Variants in LRRK1 observed in about 807,000 individuals in gnomAD.
LRRK1 encodes the protein leucine-rich repeat serine/threonine-protein kinase 1.
Under a neutral mutation model 209.1 loss-of-function variants are expected in LRRK1, and 113 were observed. The observed-to-expected ratio is 0.54, with a 90% CI of 0.46 to 0.63. The LOEUF is 0.63. LRRK1 is among the 30% of genes least tolerant of loss of function. LRRK1 has a pLI of 0.00. For synonymous variants in LRRK1, 1,144 were observed against 1,099.7 expected, an observed-to-expected ratio of 1.04 and a Z score of -0.80; for missense variants, 2,284 against 2,632.2, an observed-to-expected ratio of 0.87 and a Z score of 2.89.
At chr15:100,954,879 A>G (rs768833958) in intron 2 of LRRK1, among the ~76,000 whole-genome samples, 39 of 152,368 alleles carry the variant, frequency 2.6e-4, no homozygotes, top group Admixed American at 1.4e-3. Flanking sequence ...AGACCAATGC[A>G]TACAATTAGA....
At chr15:100,995,249 G>T (rs530634411) in intron 6 of LRRK1, among the ~76,000 whole-genome samples, 1 of 152,314 alleles carries the variant, frequency 6.6e-6, no homozygotes, top group South Asian at 2.1e-4. Flanking sequence ...ATTGCTGCGT[G>T]TGTGGAAGCC....
chr15:101,013,601 G>A (rs546078240), intron 10 of LRRK1, among the ~76,000 whole-genome samples: 18 of 152,248 alleles, frequency 1.2e-4, no homozygotes, highest in Non-Finnish European at 1.8e-4. Context: ...GAAACAGAGC[G>A]AGACCCTATC....
At chr15:101,029,265 AG>A in intron 20 of LRRK1, 33 bp downstream of exon 20, 1 of 1,572,180 alleles carries the variant, frequency 6.4e-7, no homozygotes, top group Non-Finnish European at 8.6e-7. Context: ...CAGGCTGTGC[AG>A]GTTGCTCCCC....
chr15:100,983,526 A>G lies in LRRK1; in HGVS notation c.262-2A>G, dbSNP rs1444367319. Reference sequence around the variant, plus strand: ...ACTGGAGCCCTGTTCTGTTTTGACCAGGGCCAGCTTCTGAGCATCCCGGCA... The same window carrying G: ...ACTGGAGCCCTGTTCTGTTTTGACCGGGGCCAGCTTCTGAGCATCCCGGCA... On this transcript the variant is annotated splice_acceptor_variant, in intron 3 of 33. Transcript: ENST00000388948. LOFTEE classifies it high-confidence loss of function. The G allele has an allele frequency of 1.3e-6, 2 of 1,589,686 alleles. No homozygotes were observed. The highest frequency in any genetic ancestry group is 1.7e-6 in the Non-Finnish European group (2 of 1,166,510).
At chr15:100,920,674 G>T (rs2042005002) in intron 1 of LRRK1, among the ~76,000 whole-genome samples, 1 of 130,976 alleles carries the variant, frequency 7.6e-6, no homozygotes, top group Non-Finnish European at 1.6e-5. Context: ...CCTGCCCCTT[G>T]TCCAGGGTAC....
At chr15:101,000,706 T>G (rs1202622939) in intron 6 of LRRK1, among the ~76,000 whole-genome samples, 1 of 152,238 alleles carries the variant, frequency 6.6e-6, no homozygotes, top group Non-Finnish European at 1.5e-5. Flanking sequence ...CGTCTTCCCG[T>G]TGTCTGCCTC....
At position 101,022,286 on chromosome 15, in the gene LRRK1, A is replaced by C; in HGVS notation, c.1853-97A>C. 1 of 1,207,886 alleles carries C rather than the reference A, an allele frequency of 8.3e-7. No homozygotes were observed. The highest frequency in any genetic ancestry group is 1.2e-6 in the Non-Finnish European group (1 of 828,040). The allele number at this position is 1,207,886 out of a possible 1,614,324, so 74.8% of individuals were successfully genotyped here. A position where few individuals can be genotyped will look rare whatever the true frequency, so the allele number is the denominator to read the frequency against. ...GTCTTCCTTAACTGTCCCCACTAAA[A>C]CACAAAGAAGGAGTTCCTTCACAAC... On this transcript the variant is annotated intron_variant, in intron 14 of 33. Coordinates refer to ENST00000388948, the MANE Select transcript of LRRK1 (RefSeq NM_024652.6). The surrounding 1 kb of genome is among the most constrained non-coding windows in gnomAD (Gnocchi z 4.0).
At chr15:101,013,421 A>G (rs1466747832) in intron 10 of LRRK1, among the ~76,000 whole-genome samples, 3 of 152,044 alleles carry the variant, frequency 2.0e-5, no homozygotes, top group Non-Finnish European at 4.4e-5. Context: ...TAGCATGTCT[A>G]AGGTACTCCT....
At position 100,958,886 on chromosome 15, in the gene LRRK1, T is replaced by C. The variant is rs372458195; in HGVS notation, c.98-14918T>C. On this transcript the variant is annotated intron_variant, in intron 2 of 33. Coordinates refer to ENST00000388948, the MANE Select transcript of LRRK1 (RefSeq NM_024652.6). ...TCCCGGGCTCTCTGTGCTCTGGGAC[T>C]TCCTTCCCTGCCAACGTTTTGCAGT... Among the ~76,000 whole-genome samples, 24 of 152,338 alleles carry C rather than the reference T, an allele frequency of 1.6e-4. 2 individuals carry two copies. The highest frequency in any genetic ancestry group is 7.8e-4 in the Admixed American group (12 of 15,302).
At chr15:101,053,510 C>T (rs2035607856) in intron 26 of LRRK1, 90 bp downstream of exon 26, 12 of 1,188,006 alleles carry the variant, frequency 1.0e-5, no homozygotes, top group Non-Finnish European at 1.3e-5. Flanking sequence ...CCTCAGGTGG[C>T]CTTGGCAAGC....
chr15:101,074,086 T>A lies in LRRK1; in HGVS notation c.*5238T>A, dbSNP rs920271428. On this transcript the variant is annotated 3_prime_UTR_variant, in exon 34 of 34. Coordinates refer to ENST00000388948, the MANE Select transcript of LRRK1 (RefSeq NM_024652.6). Reference sequence around the variant, plus strand: ...ACATCAGTCCCTCCCTAGTCTCTGTTCCCAGTGCAACTCATCCCAAATCTT... The same window carrying A: ...ACATCAGTCCCTCCCTAGTCTCTGTACCCAGTGCAACTCATCCCAAATCTT... The A allele has an allele frequency of 6.6e-6, 1 of 152,150 alleles. No homozygotes were observed. Among genetic ancestry groups the A allele is most frequent in the South Asian group, 2.1e-4 (1 of 4,828 alleles). 9.4% of individuals were successfully genotyped at this position (152,150 alleles called of 1,614,324 possible). A position where few individuals can be genotyped will look rare whatever the true frequency, so the allele number is the denominator to read the frequency against.
At chr15:101,050,256 C>T (rs186633950) in intron 23 of LRRK1, among the ~76,000 whole-genome samples, 1 of 152,200 alleles carries the variant, frequency 6.6e-6, no homozygotes, top group Admixed American at 6.5e-5. Flanking sequence ...CCCATCCCGG[C>T]GGTGATCAAA....
chr15:100,988,589 C>T, intron 4 of LRRK1, 45 bp from the exon 5 acceptor site: 8 of 1,594,292 alleles, frequency 5.0e-6, no homozygotes, highest in Non-Finnish European at 6.0e-6. Flanking sequence ...GAACAAACAG[C>T]ACCCTTCAGT....
At chr15:100,921,140 G>A (rs2042014418) in intron 1 of LRRK1, among the ~76,000 whole-genome samples, 1 of 152,102 alleles carries the variant, frequency 6.6e-6, no homozygotes, top group African/African-American at 2.4e-5. Flanking sequence ...GAGCTCTTGG[G>A]GTCAGAGACT....
intron 6 of LRRK1, among the ~76,000 whole-genome samples, chr15:101,001,446 G>A (rs2032685531): frequency 6.6e-6 from 1 of 152,116 alleles, no homozygotes; most frequent in African/African-American, 2.4e-5. Context: ...ATTTTCTCCA[G>A]GCCTTTGAGT....
In LRRK1 at chr15:100,919,687, C is replaced by T. The variant is rs1385245579; in HGVS notation, c.-123+236C>T. Reference sequence around the variant, plus strand: ...CCGGTCTCACGTCCCCGCTGCCTCCCGCCGCGCCCGGAGCCCAGCCAGCCT... The same window carrying T: ...CCGGTCTCACGTCCCCGCTGCCTCCTGCCGCGCCCGGAGCCCAGCCAGCCT... On this transcript the variant is annotated intron_variant, in intron 1 of 33. Transcript: ENST00000388948. The surrounding 1 kb of genome is among the most constrained non-coding windows in gnomAD (Gnocchi z 5.8). Among the ~76,000 whole-genome samples, 2 of 151,860 alleles carry T rather than the reference C, an allele frequency of 1.3e-5. No individual in the cohort carries two copies. The highest frequency in any genetic ancestry group is 3.9e-4 in the East Asian group (2 of 5,158).
rs1264026847 is a variant in LRRK1 at position 101,012,122 on chromosome 15, C to T, written c.1396C>T (p.Pro466Ser). ...CTCAGAAAACGCACTCAAAGAAGTT[C>T]CCCTGGGACTTTTCCAGCTTGATGT... ...DFSENALKEV[P>S]LGLFQLDALM... Residue 466 changes from proline to serine, a missense_variant, in exon 10 of 34, where the codon CCC (proline) becomes TCC (serine). Transcript: ENST00000388948. 6.2e-7 allele frequency: 1 copy of T among 1,609,528 alleles called. No homozygotes were observed. Among genetic ancestry groups the T allele is most frequent in the Admixed American group, 1.7e-5 (1 of 58,876 alleles).
chr15:100,924,493 A>C lies in LRRK1; in HGVS notation c.-122-18A>C, dbSNP rs1259294228. 1.5e-6 allele frequency: 1 copy of C among 651,306 alleles called. No homozygotes were observed. 40.3% of individuals were successfully genotyped at this position (651,306 alleles called of 1,614,324 possible). Reference sequence around the variant, plus strand: ...GGAATTATAAAGGCTTTCTGTTTTGATTGTTTTTCGCCACCAGAGCAAGAA... The same window carrying C: ...GGAATTATAAAGGCTTTCTGTTTTGCTTGTTTTTCGCCACCAGAGCAAGAA... On this transcript the variant is annotated intron_variant, in intron 1 of 33. Coordinates refer to ENST00000388948, the MANE Select transcript of LRRK1 (RefSeq NM_024652.6).
Position 100,988,816 on chromosome 15 carries a change from G to A in LRRK1, c.613+3G>A. On this transcript the variant is annotated splice_donor_region_variant and intron_variant, in intron 5 of 33. Transcript: ENST00000388948. Reference sequence around the variant, plus strand: ...CCTGTATGCGGCCATCAAGTCAGGTGGGTTTCCCCACTACCCTGAGTCAAC... The same window carrying A: ...CCTGTATGCGGCCATCAAGTCAGGTAGGTTTCCCCACTACCCTGAGTCAAC... 3 of 1,592,088 alleles carry A rather than the reference G, an allele frequency of 1.9e-6. No homozygotes were observed. The highest frequency in any genetic ancestry group is 2.6e-6 in the Non-Finnish European group (3 of 1,165,550).
Sources: gnomAD v4.1 joint callset for allele counts (sites outside exome capture counted in the v4.1 genomes callset) on GRCh38, gnomAD v4.1.1 for gene constraint, Gnocchi (gnomAD v3.1) non-coding constraint, MANE v1.5 for transcripts, NCBI Gene and HGNC (gene_info 2026-07-23, HGNC 2026-07-21) for gene names.